The following NRXN3 variants were observed in gnomAD, a reference collection of about 807,000 sequenced individuals.
NRXN3 encodes neurexin 3, also known as neurexin III.
A neutral mutation model predicts 137.6 loss-of-function variants in NRXN3; 32 were observed. That is an observed-to-expected ratio of 0.23 (90% CI 0.18 to 0.31). NRXN3 has a LOEUF of 0.31. Ranked by LOEUF, NRXN3 falls within the 10% of genes least tolerant of loss-of-function variation. The pLI is 1.00. For synonymous variants in NRXN3, 798 were observed against 784.5 expected, an observed-to-expected ratio of 1.02 and a Z score of -0.29; for missense variants, 1,574 against 2,062.5, an observed-to-expected ratio of 0.76 and a Z score of 4.59.
intron 16 of NRXN3, among the ~76,000 whole-genome samples, chr14:79,489,768 G>A (rs2096695389): frequency 6.6e-6 from 1 of 152,028 alleles, no homozygotes; most frequent in South Asian, 2.1e-4. Flanking sequence ...GGCCGGGCGT[G>A]GTGGCTCACA....
intron 4 of NRXN3, among the ~76,000 whole-genome samples, chr14:78,395,090 T>A (rs1316507950): frequency 6.6e-6 from 1 of 151,824 alleles, no homozygotes; most frequent in East Asian, 1.9e-4. Context: ...TATCTTCCAT[T>A]TACTTTGGAT....
intron 4 of NRXN3, among the ~76,000 whole-genome samples, chr14:78,351,782 CTTTTTTT>C (rs11423743): frequency 2.3e-5 from 3 of 127,868 alleles, no homozygotes; most frequent in Admixed American, 1.6e-4. Flanking sequence ...TGGTATTTTT[CTTTTTTT>C]TTTTTTTTTG....
intron 10 of NRXN3, among the ~76,000 whole-genome samples, chr14:78,852,656 G>A (rs2099045734): frequency 6.6e-6 from 1 of 152,106 alleles, no homozygotes; most frequent in Non-Finnish European, 1.5e-5. Flanking sequence ...AAACTCTTAA[G>A]TCAGGTGGAG....
At chr14:79,379,823 G>C (rs1159298201) in intron 15 of NRXN3, among the ~76,000 whole-genome samples, 2 of 151,228 alleles carry the variant, frequency 1.3e-5, no homozygotes, top group African/African-American at 4.9e-5. Context: ...TCCAATTTCT[G>C]CCAATAAAAG....
chr14:78,892,710 C>T (rs892595942), intron 10 of NRXN3, among the ~76,000 whole-genome samples: 1 of 151,172 alleles, frequency 6.6e-6, no homozygotes, highest in African/African-American at 2.4e-5. Flanking sequence ...TATCTCTGCT[C>T]TTTCTTGACT....
At chr14:79,551,580 G>T (rs966888465) in intron 16 of NRXN3, among the ~76,000 whole-genome samples, 1 of 152,002 alleles carries the variant, frequency 6.6e-6, no homozygotes, top group African/African-American at 2.4e-5. Flanking sequence ...TGTTTTCTTC[G>T]TCAAGAGTTT....
At chr14:79,571,391 G>A (rs1473871225) in intron 16 of NRXN3, among the ~76,000 whole-genome samples, 1 of 152,080 alleles carries the variant, frequency 6.6e-6, no homozygotes, top group Non-Finnish European at 1.5e-5. Context: ...AAATGCAAAG[G>A]ACACTAGAAA....
intron 15 of NRXN3, among the ~76,000 whole-genome samples, chr14:79,294,978 C>G (rs1214484737): frequency 6.6e-6 from 1 of 151,990 alleles, no homozygotes; most frequent in Non-Finnish European, 1.5e-5. Flanking sequence ...TCCCTCCTGT[C>G]CATGTTTCCC....
intron 16 of NRXN3, among the ~76,000 whole-genome samples, chr14:79,575,015 G>A (rs1010264941): frequency 1.3e-5 from 2 of 152,012 alleles, no homozygotes; most frequent in African/African-American, 4.8e-5. Context: ...TTGTTCATGT[G>A]TGTCTGTGAA....
chr14:79,318,654 G>A (rs758379481), intron 15 of NRXN3, among the ~76,000 whole-genome samples: 3 of 152,118 alleles, frequency 2.0e-5, no homozygotes, highest in East Asian at 1.9e-4. Context: ...GTTCCTTTAC[G>A]TGAGTCCAGG....
chr14:79,429,887 G>T (rs2095717596), intron 15 of NRXN3, among the ~76,000 whole-genome samples: 1 of 152,004 alleles, frequency 6.6e-6, no homozygotes, highest in African/African-American at 2.4e-5. Flanking sequence ...GAGAGTGAAA[G>T]AGTTTTAAGC....
intron 19 of NRXN3, among the ~76,000 whole-genome samples, chr14:79,781,829 G>T (rs760625586): frequency 6.6e-6 from 1 of 152,126 alleles, no homozygotes; most frequent in Admixed American, 6.5e-5. Context: ...GTTTTACTGG[G>T]GCTACTTATC....
chr14:79,687,806 A>C (rs764643992), intron 17 of NRXN3, among the ~76,000 whole-genome samples: 1 of 152,152 alleles, frequency 6.6e-6, no homozygotes, highest in Non-Finnish European at 1.5e-5. Flanking sequence ...GTATATCATC[A>C]TTACCTGTGG....
chr14:79,003,260 G>C (rs2099545467), intron 15 of NRXN3, among the ~76,000 whole-genome samples: 1 of 152,144 alleles, frequency 6.6e-6, no homozygotes, highest in African/African-American at 2.4e-5. Flanking sequence ...ACTGGTCTGT[G>C]AATCTTTGGC....
intron 19 of NRXN3, among the ~76,000 whole-genome samples, chr14:79,709,991 AAG>A (rs980741755): frequency 2.0e-5 from 3 of 152,166 alleles, no homozygotes; most frequent in African/African-American, 7.2e-5. Context: ...AACAAGGACA[AAG>A]AGAGAAATAG....
At chr14:79,669,665 T>A (rs1326623859) in intron 17 of NRXN3, among the ~76,000 whole-genome samples, 1 of 152,062 alleles carries the variant, frequency 6.6e-6, no homozygotes, top group Non-Finnish European at 1.5e-5. Flanking sequence ...TTTAATAAAT[T>A]GCCAGTGCTC....
chr14:79,803,143 T>C (rs1213345192), intron 19 of NRXN3, among the ~76,000 whole-genome samples: 3 of 152,204 alleles, frequency 2.0e-5, no homozygotes, highest in African/African-American at 7.2e-5. Context: ...TATTGTTGTG[T>C]AGGGCACTTC....
intron 19 of NRXN3, among the ~76,000 whole-genome samples, chr14:79,780,163 A>T (rs959248087): frequency 1.3e-5 from 2 of 152,296 alleles, no homozygotes; most frequent in African/African-American, 4.8e-5. Flanking sequence ...CTTTGGGGAA[A>T]AAAAAAAAAT....
At chr14:78,637,556 A>G (rs8012296) in intron 4 of NRXN3, among the ~76,000 whole-genome samples, 1,668 of 152,366 alleles carry the variant, frequency 0.011, 13 homozygotes, top group South Asian at 0.027. Flanking sequence ...TGAAATATGT[A>G]CTATGGTTAT....
Sources: gnomAD v4.1 joint callset for allele counts (sites outside exome capture counted in the v4.1 genomes callset) on GRCh38, gnomAD v4.1.1 for gene constraint, MANE v1.5 for transcripts, NCBI Gene and HGNC (gene_info 2026-07-23, HGNC 2026-07-21) for gene names.